ANKRD6: variants seen among roughly 807,000 people sequenced by gnomAD.
The protein encoded by ANKRD6 is ankyrin repeat domain-containing protein 6.
In ANKRD6, 56 loss-of-function variants were observed where a neutral mutation model predicts 82.3. The observed-to-expected ratio is 0.68, with a 90% CI of 0.55 to 0.85. ANKRD6 has a LOEUF of 0.85. Among genes scored for constraint, ANKRD6 ranks in the 40% least tolerant of loss-of-function variants. The pLI is 0.00. For synonymous variants in ANKRD6, 347 were observed against 352.1 expected, an observed-to-expected ratio of 0.99 and a Z score of 0.16; for missense variants, 852 against 907.6, an observed-to-expected ratio of 0.94 and a Z score of 0.79.
chr6:89,465,835 C>G (rs1324386302), intron 1 of ANKRD6, among the ~76,000 whole-genome samples: 1 of 151,992 alleles, frequency 6.6e-6, no homozygotes, highest in Non-Finnish European at 1.5e-5. Context: ...TGTGCTCTAG[C>G]TTGGGTGACA....
intron 1 of ANKRD6, among the ~76,000 whole-genome samples, chr6:89,537,701 C>T (rs1371698573): frequency 1.3e-5 from 2 of 151,342 alleles, no homozygotes; most frequent in Non-Finnish European, 2.9e-5. Context: ...ATTGCTTGAC[C>T]AGCCTGGGTA....
In ANKRD6 at chr6:89,614,936, A is replaced by G. The variant is rs551288951; in HGVS notation, c.615+1046A>G. Among the ~76,000 whole-genome samples the G allele has an allele frequency of 2.0e-5, 3 of 152,072 alleles. No homozygotes were observed. In the East Asian group the frequency reaches 5.8e-4, roughly 29 times the overall value. On this transcript the variant is annotated intron_variant, in intron 7 of 15. Transcript: ENST00000339746. ...CTGTTCCTTGCACTGCCACTTACTTACACTTGAGCTGATAGTCTTTCATTC... is the reference window on the plus strand; with the variant it reads ...CTGTTCCTTGCACTGCCACTTACTTGCACTTGAGCTGATAGTCTTTCATTC...
intron 1 of ANKRD6, among the ~76,000 whole-genome samples, chr6:89,445,647 T>C (rs1771978850): frequency 6.6e-6 from 1 of 152,164 alleles, no homozygotes; most frequent in Admixed American, 6.5e-5. Flanking sequence ...GGTTTCACCA[T>C]GTTGGTCAGG....
At chr6:89,435,461 A>G (rs1306895560) in intron 1 of ANKRD6, among the ~76,000 whole-genome samples, 1 of 152,224 alleles carries the variant, frequency 6.6e-6, no homozygotes, top group Middle Eastern at 3.2e-3. Flanking sequence ...GCATTTCCAC[A>G]ATAACCTGGA....
At chr6:89,486,121 T>C (rs970467285) in intron 1 of ANKRD6, among the ~76,000 whole-genome samples, 1 of 152,228 alleles carries the variant, frequency 6.6e-6, no homozygotes, top group African/African-American at 2.4e-5. Context: ...CACTTTGTAA[T>C]ATCTCATGTA....
intron 7 of ANKRD6, among the ~76,000 whole-genome samples, chr6:89,614,367 G>A (rs1178412555): frequency 3.9e-5 from 6 of 152,042 alleles, no homozygotes; most frequent in Admixed American, 6.5e-5. Flanking sequence ...AAATTTGGCC[G>A]GCCGTGGTGG....
chr6:89,559,425 C>G (rs1192946659), intron 1 of ANKRD6, among the ~76,000 whole-genome samples: 1 of 152,182 alleles, frequency 6.6e-6, no homozygotes, highest in Non-Finnish European at 1.5e-5. Context: ...GATCCCTCTC[C>G]CAGTTTCCAC....
At chr6:89,575,526 G>A (rs1790923315) in intron 2 of ANKRD6, among the ~76,000 whole-genome samples, 2 of 151,958 alleles carry the variant, frequency 1.3e-5, no homozygotes, top group Admixed American at 1.3e-4. Flanking sequence ...ATATTCCTTG[G>A]CACCTGACAC....
chr6:89,611,853 A>G (rs1006163769), intron 5 of ANKRD6, among the ~76,000 whole-genome samples: 1 of 152,242 alleles, frequency 6.6e-6, no homozygotes, highest in Admixed American at 6.5e-5. Context: ...GCTATTGCCC[A>G]TGTGGGGCAG....
intron 1 of ANKRD6, among the ~76,000 whole-genome samples, chr6:89,512,288 A>G (rs1304478006): frequency 1.3e-5 from 2 of 152,340 alleles, no homozygotes; most frequent in African/African-American, 4.8e-5. Context: ...CTTAAACGCC[A>G]GTCAATGCTA....
intron 2 of ANKRD6, among the ~76,000 whole-genome samples, chr6:89,576,845 AG>A (rs1791219029): frequency 6.6e-6 from 1 of 152,012 alleles, no homozygotes; most frequent in African/African-American, 2.4e-5. Context: ...TGGCTTTTCC[AG>A]CTCAAGGCTG....
At chr6:89,498,986 T>C (rs1350687764) in intron 1 of ANKRD6, among the ~76,000 whole-genome samples, 1 of 152,202 alleles carries the variant, frequency 6.6e-6, no homozygotes, top group African/African-American at 2.4e-5. Flanking sequence ...CTGTTGAGAC[T>C]GGAAATCTCA....
intron 1 of ANKRD6, among the ~76,000 whole-genome samples, chr6:89,452,872 C>T (rs1773023697): frequency 6.6e-6 from 1 of 152,200 alleles, no homozygotes; most frequent in African/African-American, 2.4e-5. Context: ...AGACAGCAGC[C>T]TTTGTGCCCT....
chr6:89,453,572 G>T (rs1452814390), intron 1 of ANKRD6, among the ~76,000 whole-genome samples: 2 of 151,730 alleles, frequency 1.3e-5, no homozygotes, highest in African/African-American at 4.8e-5. Flanking sequence ...ATGTTGGGAA[G>T]TGCCTCCAAC....
chr6:89,560,989 C>G (rs996065861), intron 1 of ANKRD6: 1 of 152,190 alleles, frequency 6.6e-6, no homozygotes, highest in Non-Finnish European at 1.5e-5. Context: ...CCAGCCCTGA[C>G]TTGGAGGCTC....
At chr6:89,581,578 C>T (rs914250810) in intron 2 of ANKRD6, 2 of 152,232 alleles carry the variant, frequency 1.3e-5, no homozygotes, top group African/African-American at 4.8e-5. Context: ...TGGCCTCTGG[C>T]CTCGGTTCCT....
intron 1 of ANKRD6, among the ~76,000 whole-genome samples, chr6:89,533,727 AGT>A (rs59064465): frequency 0.2 from 28,326 of 141,800 alleles, 3,269 homozygotes; most frequent in Non-Finnish European, 0.27. Flanking sequence ...AGAGAAAATG[AGT>A]GTGTGTGTGT....
At chr6:89,623,389 C>T (rs1194269379) in intron 10 of ANKRD6, 21 bp from the exon 11 acceptor site, 8 of 1,604,364 alleles carry the variant, frequency 5.0e-6, no homozygotes, top group Non-Finnish European at 6.8e-6. Flanking sequence ...CAATGGGTCT[C>T]TGGGCTTTTT....
At position 89,632,319 on chromosome 6, in the gene ANKRD6, TTTC is replaced by T. The variant is rs562479361; in HGVS notation, c.*1318_*1320del. On this transcript the variant is annotated 3_prime_UTR_variant, in exon 16 of 16. Coordinates refer to ENST00000339746, the MANE Select transcript of ANKRD6 (RefSeq NM_001242809.2). ...TTTGTCAAGCTCAGTTTTAGGGTTT[TTTC>T]TTTTTTTTATAGTGACAATCCATAG... The T allele has an allele frequency of 1.5e-3, 221 of 152,026 alleles. No homozygotes were observed. Among genetic ancestry groups the T allele is most frequent in the African/African-American group, 5.1e-3 (213 of 41,448 alleles). 9.4% of individuals were successfully genotyped at this position (152,026 alleles called of 1,614,324 possible).
Sources: allele counts gnomAD v4.1 joint callset (sites outside exome capture counted in the v4.1 genomes callset), GRCh38; gene constraint gnomAD v4.1.1; transcripts MANE v1.5; gene names NCBI Gene and HGNC (gene_info 2026-07-23, HGNC 2026-07-21).